The following RYK variants were observed in gnomAD, a reference collection of about 807,000 sequenced individuals.
The protein encoded by RYK is inactive tyrosine-protein kinase RYK.
In RYK, 21 loss-of-function variants were observed where a neutral mutation model predicts 70.2. The observed-to-expected ratio is 0.30, with a 90% CI of 0.21 to 0.43. The LOEUF is 0.43. Ranked by LOEUF, RYK falls within the 20% of genes least tolerant of loss-of-function variation. The pLI is 1.00. For missense variants in RYK, 604 were observed against 753.3 expected, an observed-to-expected ratio of 0.80 and a Z score of 2.32; for synonymous variants, 267 against 278.0, an observed-to-expected ratio of 0.96 and a Z score of 0.39.
At chr3:134,181,354 C>T (rs569690758) in intron 10 of RYK, 31 of 152,216 alleles carry the variant, frequency 2.0e-4, no homozygotes, top group Admixed American at 1.2e-3. Context: ...CCTTGGTTGC[C>T]GAGAAGCTAG....
intron 2 of RYK, 82 bp downstream of exon 2, chr3:134,222,335 CA>C: frequency 2.1e-6 from 3 of 1,440,982 alleles, no homozygotes; most frequent in Admixed American, 3.4e-5. Context: ...TCAGTACAGA[CA>C]GCAGCCCAGT....
intron 13 of RYK, among the ~76,000 whole-genome samples, chr3:134,164,599 T>G (rs2012594152): frequency 6.6e-6 from 1 of 152,262 alleles, no homozygotes; most frequent in Non-Finnish European, 1.5e-5. Flanking sequence ...TTCATTCCTT[T>G]TTATTTAGTA....
chr3:134,215,940 G>A (rs1333221081), intron 2 of RYK, among the ~76,000 whole-genome samples: 1 of 151,684 alleles, frequency 6.6e-6, no homozygotes. Flanking sequence ...GGAGGCTAAG[G>A]CAGGAGAATC....
intron 2 of RYK, among the ~76,000 whole-genome samples, chr3:134,213,532 A>C (rs557872006): frequency 6.8e-6 from 1 of 147,142 alleles, no homozygotes; most frequent in Non-Finnish European, 1.5e-5. Context: ...TCTGTCAAGA[A>C]CACTGTTGCA....
At chr3:134,238,421 A>G (rs9856298) in intron 1 of RYK, among the ~76,000 whole-genome samples, 21,993 of 152,210 alleles carry the variant, frequency 0.14, 1,949 homozygotes, top group East Asian at 0.47. Context: ...GAACGTATGC[A>G]TGACCAACAA....
intron 14 of RYK, 103 bp from the exon 15 acceptor site, chr3:134,158,367 G>T (rs1396466835): frequency 6.0e-6 from 3 of 500,740 alleles, no homozygotes; most frequent in Non-Finnish European, 1.0e-5. Context: ...AGGTGGGTAT[G>T]GAGAGGATGA....
intron 4 of RYK, among the ~76,000 whole-genome samples, chr3:134,209,019 G>A (rs9823873): frequency 0.15 from 22,140 of 152,018 alleles, 1,972 homozygotes; most frequent in East Asian, 0.47. Context: ...GAGTGGGTTG[G>A]ACTAAACTTG....
chr3:134,174,167 G>A (rs376502425), intron 13 of RYK, among the ~76,000 whole-genome samples: 1 of 152,212 alleles, frequency 6.6e-6, no homozygotes, highest in African/African-American at 2.4e-5. Context: ...ACAGCCACCA[G>A]AGCTGAAAGA....
chr3:134,171,756 A>G (rs1254757418), intron 13 of RYK, among the ~76,000 whole-genome samples: 1 of 151,954 alleles, frequency 6.6e-6, no homozygotes, highest in Non-Finnish European at 1.5e-5. Flanking sequence ...AGTCCTAGCT[A>G]CTCAGGAGGC....
At chr3:134,228,274 G>C (rs1003941247) in intron 1 of RYK, among the ~76,000 whole-genome samples, 1 of 152,022 alleles carries the variant, frequency 6.6e-6, no homozygotes, top group African/African-American at 2.4e-5. Flanking sequence ...CTGGAAGATA[G>C]AACAAGACTC....
At chr3:134,190,078 T>G (rs190079110) in intron 8 of RYK, among the ~76,000 whole-genome samples, 3 of 152,340 alleles carry the variant, frequency 2.0e-5, no homozygotes, top group Non-Finnish European at 4.4e-5. Context: ...CCATGTATCA[T>G]CAGGTTTCAC....
chr3:134,169,654 C>G (rs964391958), intron 13 of RYK, among the ~76,000 whole-genome samples: 4 of 152,076 alleles, frequency 2.6e-5, no homozygotes, highest in African/African-American at 9.7e-5. Context: ...CCCAGAGATG[C>G]AATGTATTAT....
chr3:134,193,378 T>C (rs924475354), intron 7 of RYK, among the ~76,000 whole-genome samples: 20 of 152,000 alleles, frequency 1.3e-4, no homozygotes, highest in South Asian at 2.1e-4. Flanking sequence ...AGAGATGGGG[T>C]TTCACCGTGT....
At chr3:134,210,878 A>G (rs181206434) in intron 3 of RYK, among the ~76,000 whole-genome samples, 14 of 152,334 alleles carry the variant, frequency 9.2e-5, no homozygotes, top group African/African-American at 3.1e-4. Flanking sequence ...AAGGTGGCAG[A>G]AAAAAGACAG....
At chr3:134,188,768 G>C in intron 9 of RYK, 69 bp downstream of exon 9, 5 of 910,022 alleles carry the variant, frequency 5.5e-6, no homozygotes, top group Non-Finnish European at 6.9e-6. Flanking sequence ...AACTGAGACA[G>C]AATTTTGCTG....
intron 13 of RYK, among the ~76,000 whole-genome samples, chr3:134,169,181 A>T (rs2012803694): frequency 6.6e-6 from 1 of 152,178 alleles, no homozygotes; most frequent in Non-Finnish European, 1.5e-5. Flanking sequence ...TATTTCCTTG[A>T]CTTGTTTTTC....
At chr3:134,202,541 A>C in intron 6 of RYK, 189 bp downstream of exon 6, 1 of 524,002 alleles carries the variant, frequency 1.9e-6, no homozygotes, top group South Asian at 3.1e-5. Context: ...TGACTTCTTA[A>C]TTTTTAAAAA....
chr3:134,244,605 AC>A lies in RYK; in HGVS notation c.232+5817del, dbSNP rs565438002. 7.2e-5 allele frequency among the ~76,000 whole-genome samples: 11 copies of A among 152,222 alleles called. 1 individual carries two copies. The highest frequency in any genetic ancestry group is 1.5e-4 in the Non-Finnish European group (10 of 68,024). On this transcript the variant is annotated intron_variant, in intron 1 of 14. Coordinates refer to ENST00000623711, the MANE Select transcript of RYK (RefSeq NM_002958.4). The stretch of plus-strand genomic sequence containing the variant: ...ACAGGCTTGTAAATGCAAGCGATGA[AC>A]CAGGGCCCAGGAACACAGGAAGGCC...
At chr3:134,199,936 T>G (rs1159756141) in intron 6 of RYK, among the ~76,000 whole-genome samples, 1 of 12,536 alleles carries the variant, frequency 8.0e-5, no homozygotes, top group East Asian at 9.2e-4. Context: ...TAGGGGACTT[T>G]GAGAACTTTT....
Sources: allele counts gnomAD v4.1 joint callset (sites outside exome capture counted in the v4.1 genomes callset), GRCh38; gene constraint gnomAD v4.1.1; transcripts MANE v1.5; gene names NCBI Gene and HGNC (gene_info 2026-07-23, HGNC 2026-07-21).